Variants in DZIP1 observed in about 807,000 individuals in gnomAD.
DZIP1 encodes the protein DAZ interacting zinc finger protein 1.
DZIP1 carries 97 observed loss-of-function variants against 107.6 expected under a neutral mutation model. The observed-to-expected ratio is 0.90, with a 90% CI of 0.77 to 1.07. The LOEUF (loss-of-function observed/expected upper bound fraction) is 1.07. Ranked by LOEUF, DZIP1 falls within the 50% of genes least tolerant of loss-of-function variation. The probability of loss-of-function intolerance (pLI) is 0.00; values close to 1 mark genes in which losing one functional copy is unlikely to be tolerated. For synonymous variants in DZIP1, 390 were observed against 386.4 expected (o/e 1.01, Z -0.11); for missense variants, 1,035 against 1,063.6 (o/e 0.97, Z 0.37).
chr13:95,582,164 A>C lies in DZIP1; in HGVS notation c.*70T>G. 6.9e-7 allele frequency: 1 copy of C among 1,453,424 alleles called. No homozygotes were observed. Among genetic ancestry groups the C allele is most frequent in the Non-Finnish European group, 9.7e-7 (1 of 1,034,918 alleles). The allele number at this position is 1,453,424 out of a possible 1,614,324, so 90.0% of individuals were successfully genotyped here. ...TAAGGCAGAAGCACTAGAATCATGG[A>C]GGCAAATTACTGAAACACTGTGATA... is the stretch of plus-strand genomic sequence containing the variant. On this transcript the variant is annotated 3_prime_UTR_variant, in exon 23 of 23. Transcript: ENST00000376829.
At chr13:95,627,309 T>A (rs747274777) in intron 7 of DZIP1, among the ~76,000 whole-genome samples, 1 of 152,136 alleles carries the variant, frequency 6.6e-6, no homozygotes, top group Non-Finnish European at 1.5e-5. Context: ...ATAAACCACA[T>A]GCAAAAGTAT....
chr13:95,611,652 T>C (rs984761088), intron 11 of DZIP1, among the ~76,000 whole-genome samples, 159 bp from the exon 12 acceptor site: 1 of 152,182 alleles, frequency 6.6e-6, no homozygotes, highest in African/African-American at 2.4e-5. Flanking sequence ...GCAGAAGTTA[T>C]TACCCAAACC....
In DZIP1 at chr13:95,633,221, A is replaced by G. The variant is rs1294363175; in HGVS notation, c.685+13T>C. The G allele has an allele frequency of 1.2e-6, 2 of 1,610,672 alleles. No homozygotes were observed. Among genetic ancestry groups the G allele is most frequent in the South Asian group, 2.2e-5 (2 of 90,980 alleles). On this transcript the variant is annotated intron_variant, in intron 6 of 22. Coordinates refer to ENST00000376829, the MANE Select transcript of DZIP1 (RefSeq NM_198968.4). ...AGGAAGAAAAGAGCTTTCAAACAGAACTCATTACTCACCAAAATGAGAATT... is the reference window on the plus strand; with the variant it reads ...AGGAAGAAAAGAGCTTTCAAACAGAGCTCATTACTCACCAAAATGAGAATT...
chr13:95,588,000 G>A (rs2044209640), intron 19 of DZIP1: 1 of 303,820 alleles, frequency 3.3e-6, no homozygotes, highest in South Asian at 1.2e-4. Context: ...ACCCAAATGT[G>A]TATATATTCT....
Position 95,641,390 on chromosome 13 carries a change from C to T in DZIP1, c.502G>A (p.Gly168Arg). The T allele has an allele frequency of 6.2e-7, 1 of 1,614,134 alleles. No individual in the cohort carries two copies. Among genetic ancestry groups the T allele is most frequent in the Non-Finnish European group, 8.5e-7 (1 of 1,180,000 alleles). Reference sequence around the variant, plus strand: ...TCTTCCTTGAGCGTCTTGATCTCCCCCGCCTGCTTGGTGAGCAGCTTCTTG... The same window carrying T: ...TCTTCCTTGAGCGTCTTGATCTCCCTCGCCTGCTTGGTGAGCAGCTTCTTG... Reference protein sequence around the residue: ...QSKKLLTKQAGEIKTLKEECK... With the variant: ...QSKKLLTKQAREIKTLKEECK... The change falls in exon 5 of 23, where the codon GGG becomes AGG. Residue 168 changes from glycine to arginine, a missense_variant. By Grantham distance (125) the Gly-to-Arg change is moderately radical (BLOSUM62 -2). Coordinates refer to ENST00000376829, the MANE Select transcript of DZIP1 (RefSeq NM_198968.4). This position sits in a 1 kb window ranked among gnomAD's most constrained non-coding sequence, Gnocchi z 4.3.
chr13:95,611,486 T>A lies in DZIP1; in HGVS notation c.1322A>T (p.Asp441Val). The change falls in exon 12 of 23, where the codon GAC becomes GTC. Residue 441 changes from aspartate to valine, a missense_variant. Physicochemically the swap from Asp to Val is radical, Grantham distance 152 (BLOSUM62 -3). Coordinates refer to ENST00000376829, the MANE Select transcript of DZIP1 (RefSeq NM_198968.4). ...ACTGTTTAATGGATTACAGGTAAAGTCTTTAATCTGCAAAGAAATACAGTC... is the reference window on the plus strand; with the variant it reads ...ACTGTTTAATGGATTACAGGTAAAGACTTTAATCTGCAAAGAAATACAGTC... The part of the protein sequence containing the change: ...LIITQRQQIK[D>V]FTCNPLNSIS... 6.2e-7 allele frequency: 1 copy of A among 1,612,124 alleles called. No individual in the cohort carries two copies. The highest frequency in any genetic ancestry group is 8.5e-7 in the Non-Finnish European group (1 of 1,178,210).
intron 10 of DZIP1, among the ~76,000 whole-genome samples, chr13:95,614,053 G>T (rs1167054238): frequency 6.6e-6 from 1 of 151,448 alleles, no homozygotes; most frequent in Non-Finnish European, 1.5e-5. Flanking sequence ...TTGACCCCAG[G>T]AGGTTGGAGC....
At chr13:95,608,232 G>A (rs1336824164) in intron 13 of DZIP1, among the ~76,000 whole-genome samples, 1 of 151,826 alleles carries the variant, frequency 6.6e-6, no homozygotes, top group African/African-American at 2.4e-5. Flanking sequence ...TCCCCAATCA[G>A]TAAAAGTTCC....
intron 13 of DZIP1, 71 bp downstream of exon 13, chr13:95,609,386 A>T: frequency 9.9e-7 from 1 of 1,014,392 alleles, no homozygotes; most frequent in Non-Finnish European, 1.4e-6. Context: ...AAAAATAGTA[A>T]GTAAAAGTTA....
rs1317202906 is a variant in DZIP1, at chr13:95,627,732, T to C, written c.810+2257A>G. ...CTGTGGAAGACAGTTTGGTGGTTCC[T>C]GAGAAAGTTAAACATAAAATTACCA... On this transcript the variant is annotated intron_variant, in intron 7 of 22. Transcript: ENST00000376829. Among the ~76,000 whole-genome samples the C allele has an allele frequency of 2.0e-5, 3 of 152,222 alleles. No individual in the cohort carries two copies. The East Asian group carries it at 5.8e-4, about 29-fold the overall frequency.
rs80090379 is a variant in DZIP1 at position 95,590,662 on chromosome 13, G to A, written c.1681-221C>T. ...ATATGTTTATGACTGGCTGACCGAC[G>A]AGGCTGTGTGTCATAAGGACCCAAT... On this transcript the variant is annotated intron_variant, in intron 16 of 22. Coordinates refer to ENST00000376829, the MANE Select transcript of DZIP1 (RefSeq NM_198968.4). 2.9e-4 allele frequency among the ~76,000 whole-genome samples: 44 copies of A among 152,324 alleles called. No individual in the cohort carries two copies. In the East Asian group the frequency reaches 8.3e-3, roughly 29 times the overall value.
At chr13:95,583,142 A>G (rs1369511153) in intron 22 of DZIP1, among the ~76,000 whole-genome samples, 1 of 152,030 alleles carries the variant, frequency 6.6e-6, no homozygotes, top group Non-Finnish European at 1.5e-5. Flanking sequence ...ACTTAAAATT[A>G]CAGTCTGGGT....
At position 95,580,649 on chromosome 13, in the gene DZIP1, G is replaced by C. The variant is rs757001673; in HGVS notation, c.*1585C>G. 6 of 152,164 alleles carry C rather than the reference G, an allele frequency of 3.9e-5. No individual in the cohort carries two copies. Among genetic ancestry groups the C allele is most frequent in the Non-Finnish European group, 5.9e-5 (4 of 68,028 alleles). 9.4% of individuals were successfully genotyped at this position (152,164 alleles called of 1,614,324 possible). On this transcript the variant is annotated 3_prime_UTR_variant, in exon 23 of 23. Coordinates refer to ENST00000376829, the MANE Select transcript of DZIP1 (RefSeq NM_198968.4). ...AAAGTTGTTGTAATTAAATGAATTA[G>C]TGCGTGTTCAAAACCAAACCAGACC...
At chr13:95,598,081 C>G (rs2044508965) in intron 15 of DZIP1, among the ~76,000 whole-genome samples, 1 of 152,130 alleles carries the variant, frequency 6.6e-6, no homozygotes, top group African/African-American at 2.4e-5. Flanking sequence ...CATCAGAGTA[C>G]CCCAAAATTT....
At position 95,634,255 on chromosome 13, in the gene DZIP1, C is replaced by T. The variant is rs534078800; in HGVS notation, c.598-934G>A. On this transcript the variant is annotated intron_variant, in intron 5 of 22. Transcript: ENST00000376829. The stretch of plus-strand genomic sequence containing the variant: ...ATTCAAGATGTCATTCATCAAGCAT[C>T]TTCCACGCTGAGGATGACAGCATGT... Among the ~76,000 whole-genome samples the T allele has an allele frequency of 4.6e-5, 7 of 152,366 alleles. No homozygotes were observed. The East Asian group carries it at 1.3e-3, about 29-fold the overall frequency.
intron 15 of DZIP1, among the ~76,000 whole-genome samples, chr13:95,597,017 C>T (rs1475868449): frequency 6.6e-6 from 1 of 152,206 alleles, no homozygotes; most frequent in Admixed American, 6.5e-5. Context: ...TGTCTACCAT[C>T]AGAGCTGAAC....
At chr13:95,603,452 T>C (rs9590305) in intron 14 of DZIP1, among the ~76,000 whole-genome samples, 41,525 of 151,590 alleles carry the variant, frequency 0.27, 6,107 homozygotes, top group Admixed American at 0.36. Context: ...AGATAGAACC[T>C]AGCAGGTGCC....
intron 13 of DZIP1, among the ~76,000 whole-genome samples, chr13:95,608,924 T>C (rs1447639869): frequency 6.6e-6 from 1 of 152,232 alleles, no homozygotes; most frequent in East Asian, 1.9e-4. Flanking sequence ...AGCAAAACTA[T>C]CTCAGCTATT....
At chr13:95,587,963 G>T (rs904057610) in intron 19 of DZIP1, 37 of 447,262 alleles carry the variant, frequency 8.3e-5, no homozygotes, top group Non-Finnish European at 9.4e-5. Context: ...ATCAAAATGG[G>T]CTGAAGCCGG....
Sources: gnomAD v4.1 joint callset for allele counts (sites outside exome capture counted in the v4.1 genomes callset) on GRCh38, gnomAD v4.1.1 for gene constraint, Gnocchi (gnomAD v3.1) non-coding constraint, MANE v1.5 for transcripts, NCBI Gene and HGNC (gene_info 2026-07-23, HGNC 2026-07-21) for gene names.